The following SHANK2 variants were observed in gnomAD, a reference collection of about 807,000 sequenced individuals.
SHANK2 encodes the protein SH3 and multiple ankyrin repeat domains protein 2.
In SHANK2, 43 loss-of-function variants were observed where a neutral mutation model predicts 133.7. The ratio of observed to expected loss-of-function variants is 0.32; its 90% CI spans 0.25 to 0.41. The LOEUF is 0.41. Ranked by LOEUF, SHANK2 falls within the 10% of genes least tolerant of loss-of-function variation. SHANK2 has a pLI of 1.00. For missense variants in SHANK2, 1,994 were observed against 2,235.8 expected (o/e 0.89, Z 2.18); for synonymous variants, 1,017 against 952.8 (o/e 1.07, Z -1.24).
intron 17 of SHANK2, among the ~76,000 whole-genome samples, chr11:70,644,458 C>T (rs1317038303): frequency 2.0e-5 from 3 of 152,190 alleles, no homozygotes; most frequent in Non-Finnish European, 4.4e-5. Context: ...TATTTGGCCA[C>T]TCCTGGCATC....
intron 10 of SHANK2, chr11:70,933,147 T>A (rs1950524660): frequency 2.2e-6 from 1 of 456,304 alleles, no homozygotes. Context: ...ATGAACAAAG[T>A]GTGGTGCATC....
chr11:70,865,587 G>C (rs972198246), intron 11 of SHANK2, among the ~76,000 whole-genome samples: 3 of 152,268 alleles, frequency 2.0e-5, no homozygotes, highest in African/African-American at 7.2e-5. Context: ...CCTCAGGGTG[G>C]GGTGGGGTGG....
chr11:71,111,813 T>TA (rs1951895656), intron 5 of SHANK2, among the ~76,000 whole-genome samples: 1 of 152,208 alleles, frequency 6.6e-6, no homozygotes, highest in Admixed American at 6.5e-5. Flanking sequence ...AATTCACAAA[T>TA]ACGTTTTTAT....
At chr11:70,626,241 C>T (rs2136487895) in intron 17 of SHANK2, among the ~76,000 whole-genome samples, 1 of 152,352 alleles carries the variant, frequency 6.6e-6, no homozygotes, top group East Asian at 1.9e-4. Context: ...GCAAACATTT[C>T]AAACGTTTTC....
At chr11:70,681,859 C>T (rs528358013) in intron 15 of SHANK2, among the ~76,000 whole-genome samples, 53 of 152,200 alleles carry the variant, frequency 3.5e-4, no homozygotes, top group African/African-American at 1.3e-3. Context: ...AGATCTTGAA[C>T]ACTGTGGGGT....
At chr11:71,159,134 G>A (rs1289163775) in intron 2 of SHANK2, among the ~76,000 whole-genome samples, 1 of 152,250 alleles carries the variant, frequency 6.6e-6, no homozygotes, top group Non-Finnish European at 1.5e-5. Flanking sequence ...TCATCACGCT[G>A]AGGTCAGAAG....
intron 13 of SHANK2, 72 bp downstream of exon 13, chr11:70,806,930 C>G: frequency 1.5e-6 from 1 of 664,070 alleles, no homozygotes; most frequent in Non-Finnish European, 2.8e-6. Flanking sequence ...GACATCGTCC[C>G]CACAGCAGGC....
chr11:70,483,157 G>A (rs1379859080), intron 25 of SHANK2, among the ~76,000 whole-genome samples: 1 of 152,134 alleles, frequency 6.6e-6, no homozygotes, highest in Non-Finnish European at 1.5e-5. Flanking sequence ...TGAGAGTCAG[G>A]AAACCCCAGC....
At chr11:71,120,899 C>T (rs1555101370) in intron 3 of SHANK2, among the ~76,000 whole-genome samples, 5 of 152,220 alleles carry the variant, frequency 3.3e-5, no homozygotes, top group African/African-American at 9.6e-5. Flanking sequence ...AGCCAAGGGG[C>T]AATTCCTTGG....
At chr11:70,637,634 G>A (rs1481524399) in intron 17 of SHANK2, among the ~76,000 whole-genome samples, 5 of 152,248 alleles carry the variant, frequency 3.3e-5, no homozygotes, top group African/African-American at 7.2e-5. Context: ...CAGGAAGGCC[G>A]GGGCACAAAG....
chr11:70,719,175 A>T (rs1946020147), intron 14 of SHANK2, among the ~76,000 whole-genome samples: 1 of 151,996 alleles, frequency 6.6e-6, no homozygotes, highest in Non-Finnish European at 1.5e-5. Context: ...GGTGTAACTC[A>T]CTCCTTTGAT....
intron 7 of SHANK2, 34 bp from the exon 8 acceptor site, chr11:71,092,623 G>GTC (rs1951538911): frequency 6.5e-7 from 1 of 1,546,788 alleles, no homozygotes; most frequent in Non-Finnish European, 8.7e-7. Flanking sequence ...GTCGTTATTG[G>GTC]TCTCATGACC....
In SHANK2 at chr11:70,569,337, C is replaced by T. The variant is rs1230609157; in HGVS notation, c.2062-66406G>A. Among the ~76,000 whole-genome samples, 2 of 152,196 alleles carry T rather than the reference C, an allele frequency of 1.3e-5. No individual in the cohort carries two copies. The highest frequency in any genetic ancestry group is 4.8e-5 in the African/African-American group (2 of 41,448). On this transcript the variant is annotated intron_variant, in intron 17 of 25. Coordinates refer to ENST00000601538, the MANE Select transcript of SHANK2 (RefSeq NM_012309.5). This position sits in a 1 kb window ranked among gnomAD's most constrained non-coding sequence, Gnocchi z 5.1. ...GTCTGGGGTGATCCTGCTCATGCGC[C>T]TCATGGACGCATCTTGCCCCGGTTT...
intron 6 of SHANK2, among the ~76,000 whole-genome samples, chr11:71,096,664 C>T (rs1028387969): frequency 8.5e-5 from 13 of 152,198 alleles, no homozygotes; most frequent in African/African-American, 2.4e-4. Flanking sequence ...AATCTTACAG[C>T]GACTTAATGA....
chr11:70,739,039 A>G lies in SHANK2; in HGVS notation c.1778-40276T>C, dbSNP rs1946467964. ...CTGGATTCAGTGAGTAGGGCTGGTGAGTTTCTCCAGCCAAGATGCTGCATA... is the reference window on the plus strand; with the variant it reads ...CTGGATTCAGTGAGTAGGGCTGGTGGGTTTCTCCAGCCAAGATGCTGCATA... On this transcript the variant is annotated intron_variant, in intron 14 of 25. Coordinates refer to ENST00000601538, the MANE Select transcript of SHANK2 (RefSeq NM_012309.5). This position sits in a 1 kb window ranked among gnomAD's most constrained non-coding sequence, Gnocchi z 4.3. Among the ~76,000 whole-genome samples, 1 of 152,084 alleles carries G rather than the reference A, an allele frequency of 6.6e-6. No individual in the cohort carries two copies. Among genetic ancestry groups the G allele is most frequent in the Non-Finnish European group, 1.5e-5 (1 of 68,014 alleles).
At chr11:71,114,574 TTC>T (rs1343983544) in intron 4 of SHANK2, among the ~76,000 whole-genome samples, 1 of 152,190 alleles carries the variant, frequency 6.6e-6, no homozygotes, top group African/African-American at 2.4e-5. Context: ...AATCGGAAAG[TTC>T]TGTGAAGCGC....
chr11:70,822,152 G>A lies in SHANK2; in HGVS notation c.1175-1470C>T, dbSNP rs192216696. On this transcript the variant is annotated intron_variant, in intron 11 of 25. Transcript: ENST00000601538. ...ACCATCACTGGGGGGCCAAAGGCAC[G>A]GGCTTCTCCCCGGCCCGTGATAATC... Among the ~76,000 whole-genome samples the A allele has an allele frequency of 2.5e-4, 38 of 152,366 alleles. No individual in the cohort carries two copies. The East Asian group carries it at 7.1e-3, about 29-fold the overall frequency.
At chr11:71,251,743 C>A (rs1555125885) in intron 1 of SHANK2, among the ~76,000 whole-genome samples, 1 of 150,788 alleles carries the variant, frequency 6.6e-6, no homozygotes. Context: ...CTCAGCGCGA[C>A]CCCCGGGACC....
chr11:70,673,526 T>C (rs1267378665), intron 15 of SHANK2, among the ~76,000 whole-genome samples: 1 of 151,360 alleles, frequency 6.6e-6, no homozygotes, highest in Non-Finnish European at 1.5e-5. Context: ...GGGTGGGGAG[T>C]AGATGGCCCC....
Sources: gnomAD v4.1 joint callset for allele counts (sites outside exome capture counted in the v4.1 genomes callset) on GRCh38, gnomAD v4.1.1 for gene constraint, Gnocchi (gnomAD v3.1) non-coding constraint, MANE v1.5 for transcripts, NCBI Gene and HGNC (gene_info 2026-07-23, HGNC 2026-07-21) for gene names.